The following SMYD3 variants were observed in gnomAD, a reference collection of about 807,000 sequenced individuals.
SMYD3 encodes SET and MYND domain containing 3.
Under a neutral mutation model 57.7 loss-of-function variants are expected in SMYD3, and 36 were observed. That is an observed-to-expected ratio of 0.62 (90% CI 0.48 to 0.82). The LOEUF (loss-of-function observed/expected upper bound fraction) is 0.82. Among genes scored for constraint, SMYD3 ranks in the 40% least tolerant of loss-of-function variants. SMYD3 has a pLI of 0.00. For synonymous variants in SMYD3, 211 were observed against 195.0 expected (o/e 1.08, Z -0.68); for missense variants, 515 against 538.8 (o/e 0.96, Z 0.44).
intron 10 of SMYD3, among the ~76,000 whole-genome samples, chr1:245,849,794 A>G (rs1478254496): frequency 6.6e-6 from 1 of 152,166 alleles, no homozygotes; most frequent in Non-Finnish European, 1.5e-5. Context: ...CTGGGACTAC[A>G]GGCACATGCC....
At position 245,892,668 on chromosome 1, in the gene SMYD3, T is replaced by C. The variant is rs141123880; in HGVS notation, c.813+22862A>G. Among the ~76,000 whole-genome samples the C allele has an allele frequency of 3.6e-3, 544 of 152,282 alleles. 6 individuals carry two copies. In the East Asian group the frequency reaches 0.048, roughly 13 times the overall value. ...TTAAATAAGATATTGACTCAGCAAA[T>C]GGTACTAGAATCATTGGCTATCCAT... On this transcript the variant is annotated intron_variant, in intron 8 of 11. Transcript: ENST00000490107.
At chr1:246,343,370 T>C (rs78088532) in intron 2 of SMYD3, among the ~76,000 whole-genome samples, 3,777 of 152,270 alleles carry the variant, frequency 0.025, 77 homozygotes, top group Non-Finnish European at 0.04. Context: ...AATTTTTTAC[T>C]CCCAAAGTGA....
chr1:246,180,484 G>A (rs1255513447), intron 5 of SMYD3, among the ~76,000 whole-genome samples: 2 of 150,876 alleles, frequency 1.3e-5, no homozygotes, highest in African/African-American at 2.4e-5. Context: ...TAGGCCGGGT[G>A]TGGTGGTTCA....
At chr1:246,472,989 T>C (rs1378262407) in intron 1 of SMYD3, among the ~76,000 whole-genome samples, 2 of 151,372 alleles carry the variant, frequency 1.3e-5, no homozygotes, top group East Asian at 3.9e-4. Flanking sequence ...CCCAAGTAGC[T>C]GGGATTACAG....
chr1:246,138,786 C>T (rs1400768236), intron 5 of SMYD3, among the ~76,000 whole-genome samples: 1 of 151,974 alleles, frequency 6.6e-6, no homozygotes, highest in Non-Finnish European at 1.5e-5. Flanking sequence ...CTTTGTACCG[C>T]TCTCTATAAA....
chr1:245,763,972 C>T, intron 11 of SMYD3, 69 bp downstream of exon 11: 1 of 1,191,822 alleles, frequency 8.4e-7, no homozygotes, highest in Non-Finnish European at 1.3e-6. Context: ...TAACAAATCA[C>T]AAAGAGGCCC....
At chr1:245,884,670 T>C (rs891490092) in intron 8 of SMYD3, among the ~76,000 whole-genome samples, 3 of 152,096 alleles carry the variant, frequency 2.0e-5, no homozygotes, top group Admixed American at 1.3e-4. Flanking sequence ...CCAGCAGGAC[T>C]TTCTGGGTTG....
intron 5 of SMYD3, among the ~76,000 whole-genome samples, chr1:245,964,354 T>C (rs2058087489): frequency 6.6e-6 from 1 of 152,144 alleles, no homozygotes; most frequent in South Asian, 2.1e-4. Context: ...CCAAACAGTA[T>C]CACTCCCCAG....
intron 10 of SMYD3, among the ~76,000 whole-genome samples, chr1:245,855,701 A>AT (rs1202751973): frequency 6.6e-6 from 1 of 152,220 alleles, no homozygotes; most frequent in East Asian, 1.9e-4. Flanking sequence ...GAGTTGCGTC[A>AT]TAAAAACTGA....
intron 5 of SMYD3, among the ~76,000 whole-genome samples, chr1:246,312,070 C>G (rs866749870): frequency 6.6e-6 from 1 of 152,100 alleles, no homozygotes; most frequent in East Asian, 1.9e-4. Flanking sequence ...ACTGAATCTC[C>G]GCAATCTACT....
intron 5 of SMYD3, among the ~76,000 whole-genome samples, chr1:246,296,195 G>A (rs548335517): frequency 6.6e-6 from 1 of 152,308 alleles, no homozygotes; most frequent in Non-Finnish European, 1.5e-5. Flanking sequence ...AACCACCGAA[G>A]CCTCAGTCAC....
At chr1:245,951,496 G>T (rs1360541123) in intron 5 of SMYD3, among the ~76,000 whole-genome samples, 1 of 138,116 alleles carries the variant, frequency 7.2e-6, no homozygotes, top group Non-Finnish European at 1.5e-5. Context: ...GTGAACCCGG[G>T]AGGCAGAGCT....
intron 8 of SMYD3, among the ~76,000 whole-genome samples, chr1:245,905,866 T>G (rs1249936763): frequency 6.6e-6 from 1 of 152,202 alleles, no homozygotes; most frequent in Non-Finnish European, 1.5e-5. Flanking sequence ...GGTGAACTAA[T>G]TTTTGATAAA....
chr1:245,860,204 C>A (rs1242745352), intron 9 of SMYD3, among the ~76,000 whole-genome samples: 2 of 152,072 alleles, frequency 1.3e-5, no homozygotes, highest in African/African-American at 4.8e-5. Context: ...GGTCCCTTTA[C>A]AATCCATGCT....
intron 5 of SMYD3, among the ~76,000 whole-genome samples, chr1:246,051,786 T>C (rs2060071600): frequency 6.6e-6 from 1 of 152,184 alleles, no homozygotes; most frequent in Non-Finnish European, 1.5e-5. Context: ...CATTCCCAAA[T>C]GGTACTCTCC....
At chr1:246,282,751 G>A (rs1282470300) in intron 5 of SMYD3, among the ~76,000 whole-genome samples, 2 of 152,110 alleles carry the variant, frequency 1.3e-5, no homozygotes, top group African/African-American at 4.8e-5. Context: ...TGAGACTTCT[G>A]CTTCAACATA....
At chr1:246,105,337 T>C (rs2061098579) in intron 5 of SMYD3, among the ~76,000 whole-genome samples, 1 of 151,670 alleles carries the variant, frequency 6.6e-6, no homozygotes, top group African/African-American at 2.4e-5. Flanking sequence ...AGGATGAAAT[T>C]TTCCTGTTGA....
At chr1:246,331,262 T>G (rs903977157) in intron 3 of SMYD3, among the ~76,000 whole-genome samples, 3 of 152,250 alleles carry the variant, frequency 2.0e-5, no homozygotes, top group Non-Finnish European at 4.4e-5. Context: ...TTTACTGTTT[T>G]GCCACTTATG....
At chr1:245,947,472 G>A (rs1250619702) in intron 5 of SMYD3, 6 of 454,136 alleles carry the variant, frequency 1.3e-5, no homozygotes, top group Admixed American at 4.7e-5. Flanking sequence ...CCATGTCACC[G>A]TATTTTAAAA....
Sources: gnomAD v4.1 joint callset for allele counts (sites outside exome capture counted in the v4.1 genomes callset) on GRCh38, gnomAD v4.1.1 for gene constraint, MANE v1.5 for transcripts, NCBI Gene and HGNC (gene_info 2026-07-23, HGNC 2026-07-21) for gene names.